The following NKAIN3 variants were observed in gnomAD, a reference collection of about 807,000 sequenced individuals.
NKAIN3 encodes sodium/potassium transporting ATPase interacting 3, also known as sodium/potassium-transporting ATPase subunit beta-1-interacting protein 3.
Under a neutral mutation model 30.2 loss-of-function variants are expected in NKAIN3, and 25 were observed. The ratio of observed to expected loss-of-function variants is 0.83; its 90% CI spans 0.60 to 1.16. The LOEUF is 1.16. Ranked by LOEUF, NKAIN3 falls within the 50% of genes most tolerant of loss-of-function variation. NKAIN3 has a pLI of 0.00. For missense variants in NKAIN3, 225 were observed against 254.1 expected, an observed-to-expected ratio of 0.89 and a Z score of 0.78; for synonymous variants, 91 against 89.6, an observed-to-expected ratio of 1.02 and a Z score of -0.09.
At chr8:62,816,503 A>T (rs770585236) in intron 4 of NKAIN3, among the ~76,000 whole-genome samples, 1 of 152,122 alleles carries the variant, frequency 6.6e-6, no homozygotes, top group East Asian at 1.9e-4. Flanking sequence ...AGGTATATAC[A>T]TTGGCAGTTC....
chr8:62,442,995 T>G (rs1805373857), intron 1 of NKAIN3, among the ~76,000 whole-genome samples: 1 of 152,002 alleles, frequency 6.6e-6, no homozygotes, highest in Non-Finnish European at 1.5e-5. Context: ...CCTTTGAGAG[T>G]TCATTCAGCA....
intron 1 of NKAIN3, among the ~76,000 whole-genome samples, chr8:62,362,546 G>A (rs979724815): frequency 9.2e-5 from 14 of 152,258 alleles, no homozygotes; most frequent in African/African-American, 3.4e-4. Flanking sequence ...AAGCAGGCAA[G>A]AGAAACTGCA....
At chr8:62,692,169 T>C (rs1813990469) in intron 3 of NKAIN3, among the ~76,000 whole-genome samples, 1 of 152,150 alleles carries the variant, frequency 6.6e-6, no homozygotes, top group African/African-American at 2.4e-5. Flanking sequence ...TCTCATTCTG[T>C]TGGCCAGAGA....
At chr8:62,669,611 G>T (rs531574452) in intron 3 of NKAIN3, among the ~76,000 whole-genome samples, 2 of 152,254 alleles carry the variant, frequency 1.3e-5, no homozygotes. Flanking sequence ...CAGTACAAAA[G>T]ACACTCATTG....
chr8:62,780,801 G>C (rs903664475), intron 4 of NKAIN3, among the ~76,000 whole-genome samples: 1 of 151,926 alleles, frequency 6.6e-6, no homozygotes, highest in Non-Finnish European at 1.5e-5. Flanking sequence ...CAAAATAATA[G>C]TGGTCATATA....
intron 1 of NKAIN3, among the ~76,000 whole-genome samples, chr8:62,316,876 T>A (rs1485328426): frequency 6.6e-6 from 1 of 152,238 alleles, no homozygotes; most frequent in Admixed American, 6.5e-5. Flanking sequence ...ATGGTTGAAC[T>A]AGATTACAGT....
chr8:62,903,881 AACTC>A (rs1176522364), intron 4 of NKAIN3, among the ~76,000 whole-genome samples: 2 of 152,088 alleles, frequency 1.3e-5, no homozygotes, highest in Non-Finnish European at 2.9e-5. Context: ...ATCTCACGGG[AACTC>A]ACTCACTATC....
At chr8:62,528,318 T>TATTATATAATATATATAA (rs1554543355) in intron 1 of NKAIN3, among the ~76,000 whole-genome samples, 1 of 88,894 alleles carries the variant, frequency 1.1e-5, no homozygotes, top group Non-Finnish European at 2.1e-5. Context: ...TATATATATA[T>TATTATATAATATATATAA]TATATAATAT....
At chr8:62,614,007 G>T (rs72651574) in intron 3 of NKAIN3, among the ~76,000 whole-genome samples, 10 of 151,876 alleles carry the variant, frequency 6.6e-5, no homozygotes, top group Non-Finnish European at 1.3e-4. Context: ...TATTTCTTCA[G>T]GATTGGTCCC....
intron 4 of NKAIN3, among the ~76,000 whole-genome samples, chr8:62,847,704 T>G (rs1342704044): frequency 1.3e-5 from 2 of 152,158 alleles, no homozygotes; most frequent in Non-Finnish European, 2.9e-5. Flanking sequence ...ATCGGTCAAT[T>G]TTTGCTTTTT....
chr8:62,782,680 C>G (rs997955498), intron 4 of NKAIN3, among the ~76,000 whole-genome samples: 3 of 150,796 alleles, frequency 2.0e-5, no homozygotes, highest in Non-Finnish European at 3.0e-5. Context: ...CATGGAAAGG[C>G]AAATACTACA....
intron 1 of NKAIN3, among the ~76,000 whole-genome samples, chr8:62,460,394 A>C (rs1805959270): frequency 6.8e-6 from 1 of 146,046 alleles, no homozygotes; most frequent in Non-Finnish European, 1.5e-5. Context: ...CTGGGTGACA[A>C]GAGTAAAATT....
chr8:62,772,950 C>T (rs1024522714), intron 4 of NKAIN3, among the ~76,000 whole-genome samples: 11 of 152,210 alleles, frequency 7.2e-5, no homozygotes, highest in East Asian at 3.9e-4. Context: ...TGAGCAACCA[C>T]GCCCGGCTCT....
intron 3 of NKAIN3, among the ~76,000 whole-genome samples, chr8:62,637,049 T>C (rs1812152257): frequency 6.6e-6 from 1 of 152,184 alleles, no homozygotes; most frequent in Non-Finnish European, 1.5e-5. Flanking sequence ...TGGGAATCCA[T>C]TATTTTTTTG....
chr8:62,338,043 G>A (rs1815622831), intron 1 of NKAIN3, among the ~76,000 whole-genome samples: 1 of 151,924 alleles, frequency 6.6e-6, no homozygotes. Flanking sequence ...TATATGTCCA[G>A]TATATTTTGA....
intron 5 of NKAIN3, among the ~76,000 whole-genome samples, chr8:62,996,371 C>T (rs1284392833): frequency 1.3e-5 from 2 of 151,264 alleles, no homozygotes; most frequent in African/African-American, 2.4e-5. Context: ...GCGAAACCAC[C>T]TCCATTATCC....
At chr8:62,527,939 AAG>A (rs34706867) in intron 1 of NKAIN3, among the ~76,000 whole-genome samples, 1 of 141,096 alleles carries the variant, frequency 7.1e-6, no homozygotes, top group African/African-American at 2.5e-5. Flanking sequence ...GAGAGACAGA[AAG>A]AGAGAGACAA....
intron 1 of NKAIN3, among the ~76,000 whole-genome samples, chr8:62,348,533 T>C (rs7836906): frequency 6.6e-6 from 1 of 152,116 alleles, no homozygotes; most frequent in Non-Finnish European, 1.5e-5. Flanking sequence ...CTCACAGTTT[T>C]TATGAGACCC....
At chr8:62,341,367 G>A (rs7834312) in intron 1 of NKAIN3, among the ~76,000 whole-genome samples, 5,959 of 152,054 alleles carry the variant, frequency 0.039, 424 homozygotes, top group African/African-American at 0.14. Flanking sequence ...ACATGTTAAC[G>A]ATAACAGTTA....
Sources: gnomAD v4.1 joint callset for allele counts (sites outside exome capture counted in the v4.1 genomes callset) on GRCh38, gnomAD v4.1.1 for gene constraint, MANE v1.5 for transcripts, NCBI Gene and HGNC (gene_info 2026-07-23, HGNC 2026-07-21) for gene names.